Variants in ALCAM observed in about 807,000 individuals in gnomAD.
ALCAM encodes the protein CD166 antigen.
In ALCAM, 30 loss-of-function variants were observed where a neutral mutation model predicts 70.9. That is an observed-to-expected ratio of 0.42 (90% CI 0.32 to 0.57). ALCAM has a LOEUF of 0.57. ALCAM is among the 20% of genes least tolerant of loss of function. The pLI, the probability that ALCAM is intolerant of heterozygous loss-of-function variation, is 0.11. For missense variants in ALCAM, 591 were observed against 695.1 expected (o/e 0.85, Z 1.68); for synonymous variants, 249 against 242.5 (o/e 1.03, Z -0.25).
intron 1 of ALCAM, among the ~76,000 whole-genome samples, chr3:105,506,055 T>G (rs1341393645): frequency 6.6e-6 from 1 of 152,184 alleles, no homozygotes; most frequent in Non-Finnish European, 1.5e-5. Context: ...GAAATTTTCT[T>G]TGTTGAACAG....
intron 1 of ALCAM, among the ~76,000 whole-genome samples, chr3:105,420,366 T>C (rs534039874): frequency 1.3e-5 from 2 of 151,808 alleles, no homozygotes; most frequent in South Asian, 4.1e-4. Context: ...TTTTTCTTTT[T>C]AAAGAAAATG....
chr3:105,391,316 C>T (rs1279644315), intron 1 of ALCAM, among the ~76,000 whole-genome samples: 1 of 151,818 alleles, frequency 6.6e-6, no homozygotes, highest in African/African-American at 2.4e-5. Context: ...CTTCACATCC[C>T]TTGTGTGTTG....
At chr3:105,475,284 A>T (rs1029728348) in intron 1 of ALCAM, among the ~76,000 whole-genome samples, 3 of 152,044 alleles carry the variant, frequency 2.0e-5, no homozygotes, top group Non-Finnish European at 2.9e-5. Flanking sequence ...AATGGTACAG[A>T]TAACTCTATA....
In ALCAM at chr3:105,534,470, T is replaced by C. The variant is rs1939919714; in HGVS notation, c.548-193T>C. On this transcript the variant is annotated intron_variant, in intron 5 of 15. Transcript: ENST00000306107. ...TAATTAAGTGAGTGGGAAAAGGGAT[T>C]CCAGGATTCTATTTCTGTGTCTCTG... Among the ~76,000 whole-genome samples the C allele has an allele frequency of 1.3e-5, 2 of 152,124 alleles. 1 individual carries two copies. The highest frequency in any genetic ancestry group is 4.1e-4 in the South Asian group (2 of 4,828).
At chr3:105,573,482 A>G (rs1940899095) in intron 15 of ALCAM, among the ~76,000 whole-genome samples, 1 of 152,182 alleles carries the variant, frequency 6.6e-6, no homozygotes, top group Non-Finnish European at 1.5e-5. Context: ...TATAGGTAGT[A>G]TATGTATGTG....
chr3:105,431,468 G>A (rs1301043190), intron 1 of ALCAM, among the ~76,000 whole-genome samples: 2 of 152,106 alleles, frequency 1.3e-5, no homozygotes, highest in Non-Finnish European at 2.9e-5. Flanking sequence ...TCATAGCGAT[G>A]AGCAAAGGCA....
intron 1 of ALCAM, among the ~76,000 whole-genome samples, chr3:105,435,986 G>T (rs1156942025): frequency 6.6e-6 from 1 of 152,172 alleles, no homozygotes; most frequent in Non-Finnish European, 1.5e-5. Flanking sequence ...TGGAAGGCAA[G>T]AAGGAGCAAG....
intron 14 of ALCAM, among the ~76,000 whole-genome samples, chr3:105,560,104 G>A (rs1212016022): frequency 6.6e-6 from 1 of 152,068 alleles, no homozygotes; most frequent in Admixed American, 6.6e-5. Flanking sequence ...TGATCTTCCA[G>A]CAGACATTTG....
chr3:105,552,069 A>G, intron 12 of ALCAM, 75 bp from the exon 13 acceptor site: 1 of 1,054,054 alleles, frequency 9.5e-7, no homozygotes, highest in Non-Finnish European at 1.4e-6. Context: ...ATTACATCAT[A>G]CTATAATGGT....
At position 105,478,128 on chromosome 3, in the gene ALCAM, C is replaced by T. The variant is rs141174588; in HGVS notation, c.74-41939C>T. 2.6e-3 allele frequency among the ~76,000 whole-genome samples: 401 copies of T among 152,014 alleles called. 1 individual carries two copies. Among genetic ancestry groups the T allele is most frequent in the African/African-American group, 9.3e-3 (384 of 41,498 alleles). ...CTTCTACTATCTAGTAATTTTTTAT[C>T]GTATCCTTGACATTTTCAATGTTAT... On this transcript the variant is annotated intron_variant, in intron 1 of 15. Transcript: ENST00000306107.
chr3:105,478,444 G>C (rs1310149593), intron 1 of ALCAM, among the ~76,000 whole-genome samples: 1 of 152,060 alleles, frequency 6.6e-6, no homozygotes, highest in Admixed American at 6.6e-5. Context: ...AGCTGAGGCA[G>C]CCCCTCTCAA....
At chr3:105,549,404 A>T (rs1940338188) in intron 11 of ALCAM, among the ~76,000 whole-genome samples, 1 of 151,552 alleles carries the variant, frequency 6.6e-6, no homozygotes, top group South Asian at 2.1e-4. Flanking sequence ...CAAACAATAT[A>T]GAAAGAGAAA....
chr3:105,576,243 T>C lies in ALCAM; in HGVS notation c.*1792T>C, dbSNP rs928040439. 6.6e-6 allele frequency: 1 copy of C among 152,632 alleles called. No individual in the cohort carries two copies. Among genetic ancestry groups the C allele is most frequent in the African/African-American group, 2.4e-5 (1 of 41,464 alleles). The allele number at this position is 152,632 out of a possible 1,614,324, so 9.5% of individuals were successfully genotyped here. A position where few individuals can be genotyped will look rare whatever the true frequency, so the allele number is the denominator to read the frequency against. On this transcript the variant is annotated 3_prime_UTR_variant, in exon 16 of 16. Coordinates refer to ENST00000306107, the MANE Select transcript of ALCAM (RefSeq NM_001627.4). ...GTAAAAGGGGAAAAACCAAAGTTAT[T>C]TGTTTTGCATGGCTAAGCCATTCTG...
intron 1 of ALCAM, among the ~76,000 whole-genome samples, chr3:105,403,225 G>A (rs1936135977): frequency 6.6e-6 from 1 of 152,118 alleles, no homozygotes; most frequent in South Asian, 2.1e-4. Context: ...GGGATTACAG[G>A]TGTGAACCGC....
At chr3:105,418,728 A>T (rs1435152025) in intron 1 of ALCAM, among the ~76,000 whole-genome samples, 1 of 151,794 alleles carries the variant, frequency 6.6e-6, no homozygotes, top group East Asian at 1.9e-4. Flanking sequence ...ATGAGGGGTG[A>T]AATATGCTTT....
chr3:105,394,662 A>C (rs767250381), intron 1 of ALCAM, among the ~76,000 whole-genome samples: 1 of 151,986 alleles, frequency 6.6e-6, no homozygotes, highest in Non-Finnish European at 1.5e-5. Flanking sequence ...ATATTTTTTT[A>C]ATTTCAGAGT....
intron 1 of ALCAM, among the ~76,000 whole-genome samples, chr3:105,497,721 C>T (rs887528939): frequency 6.6e-6 from 1 of 152,016 alleles, no homozygotes. Context: ...AACTTTTTGG[C>T]TCTTACTGTT....
intron 1 of ALCAM, among the ~76,000 whole-genome samples, chr3:105,413,479 C>CT (rs1936436839): frequency 6.6e-6 from 1 of 152,072 alleles, no homozygotes; most frequent in African/African-American, 2.4e-5. Flanking sequence ...GGTGATTGTG[C>CT]TGTAGGCTAG....
At chr3:105,543,293 T>C (rs776239170) in intron 8 of ALCAM, among the ~76,000 whole-genome samples, 2 of 151,734 alleles carry the variant, frequency 1.3e-5, no homozygotes, top group Non-Finnish European at 3.0e-5. Context: ...CAAAAGTGTG[T>C]AAAAGTTTAA....
Sources: allele counts gnomAD v4.1 joint callset (sites outside exome capture counted in the v4.1 genomes callset), GRCh38; gene constraint gnomAD v4.1.1; transcripts MANE v1.5; gene names NCBI Gene and HGNC (gene_info 2026-07-23, HGNC 2026-07-21).